ZNF124: variants seen among roughly 807,000 people sequenced by gnomAD.
The protein encoded by ZNF124 is zinc finger protein HZF-16.
In ZNF124, 25 loss-of-function variants were observed where a neutral mutation model predicts 26.6. The observed-to-expected ratio is 0.94, with a 90% CI of 0.68 to 1.31. The LOEUF is 1.31. Ranked by LOEUF, ZNF124 falls within the 40% of genes most tolerant of loss-of-function variation. The pLI, the probability that ZNF124 is intolerant of heterozygous loss-of-function variation, is 0.00. For synonymous variants in ZNF124, 129 were observed against 133.3 expected, an observed-to-expected ratio of 0.97 and a Z score of 0.22; for missense variants, 444 against 422.2, an observed-to-expected ratio of 1.05 and a Z score of -0.45.
At chr1:247,123,721 C>A (rs1387263030) in exon 4 of ZNF124, 3 of 590,602 alleles carry the variant, frequency 5.1e-6, no homozygotes, top group Non-Finnish European at 9.1e-6. Context: ...TCCAGGACTT[C>A]AAAGGTTTAG....
At chr1:247,164,349 C>T (rs186645720) in intron 1 of ZNF124, among the ~76,000 whole-genome samples, 1 of 152,206 alleles carries the variant, frequency 6.6e-6, no homozygotes, top group African/African-American at 2.4e-5. Flanking sequence ...TGATCCTATA[C>T]CCCCCAAAAC....
chr1:247,169,604 C>T (rs1462196389), intron 1 of ZNF124, among the ~76,000 whole-genome samples: 3 of 149,218 alleles, frequency 2.0e-5, no homozygotes, highest in South Asian at 2.1e-4. Flanking sequence ...AAACCTGTGC[C>T]GTGTCCCCAC....
chr1:247,144,219 C>T (rs1470460041), intron 3 of ZNF124, among the ~76,000 whole-genome samples: 1 of 152,172 alleles, frequency 6.6e-6, no homozygotes, highest in African/African-American at 2.4e-5. Flanking sequence ...GCTATCCCTC[C>T]CCAACTACAT....
intron 1 of ZNF124, among the ~76,000 whole-genome samples, chr1:247,165,413 A>T (rs192255960): frequency 6.6e-6 from 1 of 152,352 alleles, no homozygotes; most frequent in Non-Finnish European, 1.5e-5. Context: ...TATAAACTTT[A>T]GATGCATTAA....
downstream of ZNF124, among the ~76,000 whole-genome samples, chr1:247,154,852 A>C (rs532010732): frequency 6.6e-6 from 1 of 152,342 alleles, no homozygotes; most frequent in Admixed American, 6.5e-5. Flanking sequence ...AAAGTCAATT[A>C]ATGTGATATA....
chr1:247,131,067 AAAAC>A (rs1360110474), intron 3 of ZNF124, among the ~76,000 whole-genome samples: 1 of 152,196 alleles, frequency 6.6e-6, no homozygotes, highest in African/African-American at 2.4e-5. Context: ...CAATCAAAAC[AAAAC>A]AAACAAACTA....
At chr1:247,149,153 C>G (rs966309778) in intron 3 of ZNF124, among the ~76,000 whole-genome samples, 3 of 152,050 alleles carry the variant, frequency 2.0e-5, no homozygotes, top group Admixed American at 6.5e-5. Context: ...CTGAAAAAGA[C>G]AGCCCAGAAG....
downstream of ZNF124, among the ~76,000 whole-genome samples, chr1:247,151,816 T>C (rs1017281493): frequency 7.3e-5 from 10 of 137,834 alleles, no homozygotes; most frequent in African/African-American, 2.7e-4. Flanking sequence ...AATTCAATGC[T>C]AAAAAAAAAA....
chr1:247,144,398 C>T (rs1049313017), intron 3 of ZNF124, among the ~76,000 whole-genome samples: 5 of 152,176 alleles, frequency 3.3e-5, no homozygotes, highest in African/African-American at 1.2e-4. Context: ...CCACTTTGGG[C>T]TAGGTTGCCA....
Position 247,157,239 on chromosome 1 carries a change from T to C in ZNF124, c.383A>G (p.Glu128Gly). The change falls in exon 4 of 4, where the codon GAG (glutamate) becomes GGG (glycine). Residue 128 changes from glutamate (E) to glycine (G), a missense_variant. Coordinates refer to ENST00000543802, the MANE Select transcript of ZNF124 (RefSeq NM_001297568.2). ...TGAACTGGGAATATTAAAAACTTTCTCACATATTGTACAACCATAATGTCC... is the reference window on the plus strand; with the variant it reads ...TGAACTGGGAATATTAAAAACTTTCCCACATATTGTACAACCATAATGTCC... ...GNGHYGCTICEKVFNIPSSFQ... is the reference protein window; with the variant it reads ...GNGHYGCTICGKVFNIPSSFQ... The C allele has an allele frequency of 6.2e-7, 1 of 1,614,062 alleles. No individual in the cohort carries two copies. The highest frequency in any genetic ancestry group is 1.3e-5 in the African/African-American group (1 of 75,066).
chr1:247,147,126 T>G (rs1672803591), intron 3 of ZNF124, among the ~76,000 whole-genome samples: 1 of 152,058 alleles, frequency 6.6e-6, no homozygotes, highest in Admixed American at 6.6e-5. Context: ...GCTAATTACT[T>G]TTATCTCGTA....
intron 3 of ZNF124, among the ~76,000 whole-genome samples, chr1:247,148,173 G>C (rs1470421851): frequency 6.6e-6 from 1 of 152,144 alleles, no homozygotes; most frequent in African/African-American, 2.4e-5. Context: ...CATTTAGACT[G>C]CTCCTTTCAA....
At chr1:247,145,859 G>A (rs142955496) in intron 3 of ZNF124, among the ~76,000 whole-genome samples, 168 of 152,208 alleles carry the variant, frequency 1.1e-3, no homozygotes, top group African/African-American at 3.9e-3. Flanking sequence ...CTGACCTCAG[G>A]TGATCCACCA....
At chr1:247,164,354 CA>C in intron 1 of ZNF124, among the ~76,000 whole-genome samples, 1 of 152,242 alleles carries the variant, frequency 6.6e-6, no homozygotes, top group East Asian at 1.9e-4. Flanking sequence ...CTATACCCCC[CA>C]AAACCCCACA....
At chr1:247,160,821 A>G (rs1673436734) in intron 1 of ZNF124, among the ~76,000 whole-genome samples, 1 of 152,240 alleles carries the variant, frequency 6.6e-6, no homozygotes, top group African/African-American at 2.4e-5. Flanking sequence ...TTACACAAAG[A>G]GAAAATGTGT....
At chr1:247,152,840 C>G (rs1025541608), downstream of ZNF124, among the ~76,000 whole-genome samples, 3 of 152,160 alleles carry the variant, frequency 2.0e-5, no homozygotes, top group Non-Finnish European at 4.4e-5. Context: ...ACATATACAA[C>G]CCATGTACTT....
intron 3 of ZNF124, among the ~76,000 whole-genome samples, chr1:247,142,228 G>C (rs964040305): frequency 6.6e-6 from 1 of 152,222 alleles, no homozygotes; most frequent in Non-Finnish European, 1.5e-5. Flanking sequence ...AAGACTTGCT[G>C]CTTCTCAGAT....
chr1:247,146,807 G>C (rs1672792142), intron 3 of ZNF124, among the ~76,000 whole-genome samples: 3 of 152,104 alleles, frequency 2.0e-5, no homozygotes, highest in Admixed American at 6.5e-5. Context: ...GCTTTATGTT[G>C]AAAGTTCACT....
intron 3 of ZNF124, among the ~76,000 whole-genome samples, chr1:247,139,738 C>A (rs542779373): frequency 2.6e-5 from 4 of 152,142 alleles, no homozygotes; most frequent in Non-Finnish European, 5.9e-5. Context: ...GATCTTATTT[C>A]CCTTTCACTT....
Sources: gnomAD v4.1 joint callset for allele counts (sites outside exome capture counted in the v4.1 genomes callset) on GRCh38, gnomAD v4.1.1 for gene constraint, MANE v1.5 for transcripts, NCBI Gene and HGNC (gene_info 2026-07-23, HGNC 2026-07-21) for gene names.